CFH: variants seen among roughly 807,000 people sequenced by gnomAD.
The protein encoded by CFH is H factor 1 (complement).
A neutral mutation model predicts 147.3 loss-of-function variants in CFH; 53 were observed. The ratio of observed to expected loss-of-function variants is 0.36; its 90% CI spans 0.29 to 0.45. The LOEUF (loss-of-function observed/expected upper bound fraction) is 0.45, where lower values mean the gene tolerates loss of function less well. Among genes scored for constraint, CFH ranks in the 20% least tolerant of loss-of-function variants. CFH has a pLI of 1.00. For missense variants in CFH, 1,380 were observed against 1,498.0 expected (o/e 0.92, Z 1.30); for synonymous variants, 536 against 489.4 (o/e 1.10, Z -1.26).
At chr1:196,707,344 T>C (rs2149099108) in intron 9 of CFH, among the ~76,000 whole-genome samples, 2 of 152,272 alleles carry the variant, frequency 1.3e-5, no homozygotes, top group East Asian at 1.9e-4. Context: ...GCCAATAACA[T>C]ACACATAAAT....
chr1:196,711,704 C>T lies in CFH; in HGVS notation c.1337-2031C>T, dbSNP rs113148696. Among the ~76,000 whole-genome samples the T allele has an allele frequency of 6.8e-3, 1,039 of 152,036 alleles. 7 individuals are homozygous for T. Among genetic ancestry groups the T allele is most frequent in the African/African-American group, 0.023 (969 of 41,504 alleles). On this transcript the variant is annotated intron_variant, in intron 9 of 21. Transcript: ENST00000367429. ...TGCTTCTGATGTCTCTACTACGTGA[C>T]CTAGATGTTCAAACGAGTCTTTCTA...
intron 9 of CFH, among the ~76,000 whole-genome samples, chr1:196,708,935 A>G (rs943325094): frequency 6.6e-6 from 1 of 152,170 alleles, no homozygotes. Flanking sequence ...CTTATTGGCA[A>G]CCACAGAAAT....
chr1:196,692,927 C>CTTCCTTCTTTCCTT (rs1668117298), intron 9 of CFH, among the ~76,000 whole-genome samples: 1 of 142,348 alleles, frequency 7.0e-6, no homozygotes, highest in Non-Finnish European at 1.5e-5. Flanking sequence ...TCCTTCCTTC[C>CTTCCTTCTTTCCTT]TTCCTTCTTT....
Position 196,728,395 on chromosome 1 carries a change from G to A in CFH, c.2286G>A (p.Glu762=). Residue 762 remains glutamate (E), a synonymous_variant, in exon 15 of 22, where the codon GAG becomes GAA. Transcript: ENST00000367429. ...KCKSSNLIIL[E]EHLKNKKEFD... is the part of the protein sequence containing the mutation. The stretch of plus-strand genomic sequence containing the variant: ...AATCATCAAATTTAATTATACTTGA[G>A]GAACATTTAAAAAACAAGAAGGAAT... 6.3e-7 allele frequency: 1 copy of A among 1,594,556 alleles called. No individual in the cohort carries two copies. The highest frequency in any genetic ancestry group is 8.6e-7 in the Non-Finnish European group (1 of 1,165,654).
intron 9 of CFH, among the ~76,000 whole-genome samples, chr1:196,710,523 A>C (rs1668701345): frequency 6.6e-6 from 1 of 152,080 alleles, no homozygotes; most frequent in African/African-American, 2.4e-5. Context: ...TTTAAGTCTT[A>C]AAATTTGGTA....
chr1:196,677,499 G>A lies in CFH; in HGVS notation c.451G>A (p.Ala151Thr), dbSNP rs1416719586. 1.2e-6 allele frequency: 2 copies of A among 1,612,996 alleles called. No individual in the cohort carries two copies. Among genetic ancestry groups the A allele is most frequent in the African/African-American group, 1.3e-5 (1 of 74,964 alleles). The change falls in exon 5 of 22, where the codon GCA (alanine) becomes ACA (threonine). Residue 151 changes from alanine to threonine, a missense_variant. Physicochemically the swap from Ala to Thr is moderately conservative, Grantham distance 58. Coordinates refer to ENST00000367429, the MANE Select transcript of CFH (RefSeq NM_000186.4). ...CEVVKCLPVTAPENGKIVSSA... is the reference protein window; with the variant it reads ...CEVVKCLPVTTPENGKIVSSA... ...AGTTGTGAAGTGTTTACCAGTGACA[G>A]CACCAGAGAATGGAAAAATTGTCAG...
Position 196,673,143 on chromosome 1 carries a change from A to C in CFH, c.224A>C (p.Asn75Thr). The C allele has an allele frequency of 6.2e-7, 1 of 1,613,522 alleles. No homozygotes were observed. The highest frequency in any genetic ancestry group is 8.5e-7 in the Non-Finnish European group (1 of 1,179,574). The change falls in exon 2 of 22, where the codon AAT (asparagine) becomes ACT (threonine). Residue 75 changes from asparagine to threonine, a missense_variant. By Grantham distance (65) the Asn-to-Thr change is moderately conservative. Coordinates refer to ENST00000367429, the MANE Select transcript of CFH (RefSeq NM_000186.4). Reference protein sequence around the residue: ...VCRKGEWVALNPLRKCQKRPC... With the variant: ...VCRKGEWVALTPLRKCQKRPC... Reference sequence around the variant, plus strand: ...AGGAAGGGAGAATGGGTTGCTCTTAATCCATTAAGGAAATGTCAGAGTAAG... The same window carrying C: ...AGGAAGGGAGAATGGGTTGCTCTTACTCCATTAAGGAAATGTCAGAGTAAG...
intron 9 of CFH, among the ~76,000 whole-genome samples, chr1:196,706,376 C>T (rs1294304694): frequency 6.6e-6 from 1 of 151,858 alleles, no homozygotes; most frequent in African/African-American, 2.4e-5. Flanking sequence ...CTACCATGGA[C>T]ATCAGTGGAT....
chr1:196,701,769 T>C (rs1668462984), intron 9 of CFH, among the ~76,000 whole-genome samples: 1 of 152,146 alleles, frequency 6.6e-6, no homozygotes, highest in South Asian at 2.1e-4. Context: ...GGCTGTCCCT[T>C]AGTTCTCCCA....
rs1669137703 is a variant in CFH at position 196,726,411 on chromosome 1, A to T, written c.1874-59A>T. ...AGAAGAAAATCTTTCCATTTTACTG[A>T]ATTTTTATATTGTAAAACAGACAAT... On this transcript the variant is annotated intron_variant, in intron 12 of 21. Transcript: ENST00000367429. 7 of 1,331,616 alleles carry T rather than the reference A, an allele frequency of 5.3e-6. No homozygotes were observed. The South Asian group carries it at 6.3e-5, about 12-fold the overall frequency. 82.5% of individuals were successfully genotyped at this position (1,331,616 alleles called of 1,614,324 possible). A position where few individuals can be genotyped will look rare whatever the true frequency, so the allele number is the denominator to read the frequency against.
At chr1:196,719,529 A>C (rs1046023027) in intron 11 of CFH, among the ~76,000 whole-genome samples, 1 of 151,924 alleles carries the variant, frequency 6.6e-6, no homozygotes, top group African/African-American at 2.4e-5. Flanking sequence ...AATAGTTTTA[A>C]ATCTAATTTT....
intron 1 of CFH, among the ~76,000 whole-genome samples, chr1:196,661,905 G>GT (rs928611272): frequency 6.6e-5 from 10 of 152,094 alleles, no homozygotes; most frequent in African/African-American, 2.4e-4. Context: ...GTTTTGTTTT[G>GT]TTTTTTAAAT....
In CFH at chr1:196,741,981, T is replaced by C. The variant is rs780458666; in HGVS notation, c.3063T>C (p.Tyr1021=). 4 of 1,614,174 alleles carry C rather than the reference T, an allele frequency of 2.5e-6. No individual in the cohort carries two copies. Among genetic ancestry groups the C allele is most frequent in the South Asian group, 2.2e-5 (2 of 91,080 alleles). ...GEQVTYTCAT[Y]YKMDGASNVT... The stretch of plus-strand genomic sequence containing the variant: ...AAGTGACTTACACTTGTGCAACATA[T>C]TACAAAATGGATGGAGCCAGTAATG... Residue 1021 remains tyrosine (Y), a synonymous_variant, in exon 19 of 22, where the codon TAT becomes TAC. Coordinates refer to ENST00000367429, the MANE Select transcript of CFH (RefSeq NM_000186.4).
chr1:196,666,633 C>T (rs1353225217), intron 1 of CFH, among the ~76,000 whole-genome samples: 20 of 133,042 alleles, frequency 1.5e-4, no homozygotes, highest in African/African-American at 5.9e-4. Context: ...ACCGTTTCTA[C>T]TAAAAATACA....
chr1:196,652,204 A>C (rs1421887611), intron 1 of CFH, 29 bp downstream of exon 1: 1 of 1,531,954 alleles, frequency 6.5e-7, no homozygotes. Flanking sequence ...CTTTTCTGAA[A>C]ACTGTATTAT....
At chr1:196,735,800 T>A (rs929862883) in intron 15 of CFH, among the ~76,000 whole-genome samples, 3 of 152,066 alleles carry the variant, frequency 2.0e-5, no homozygotes, top group African/African-American at 7.2e-5. Context: ...TTTTGATAAA[T>A]ATGAAATACT....
intron 15 of CFH, among the ~76,000 whole-genome samples, chr1:196,733,197 T>C (rs1669320310): frequency 6.6e-6 from 1 of 152,138 alleles, no homozygotes; most frequent in African/African-American, 2.4e-5. Context: ...GGGAAGATTA[T>C]TTTTTGTTTG....
At chr1:196,726,373 A>G in intron 12 of CFH, 97 bp from the exon 13 acceptor site, 1 of 919,068 alleles carries the variant, frequency 1.1e-6, no homozygotes, top group Non-Finnish European at 1.7e-6. Flanking sequence ...ATAATGAAGA[A>G]TACATGAATA....
intron 1 of CFH, 94 bp from the exon 2 acceptor site, chr1:196,672,884 A>G: frequency 1.0e-6 from 1 of 961,712 alleles, no homozygotes; most frequent in Non-Finnish European, 1.6e-6. Context: ...TAGACCTGTG[A>G]CTGTCTAGGC....
Sources: gnomAD v4.1 joint callset for allele counts (sites outside exome capture counted in the v4.1 genomes callset) on GRCh38, gnomAD v4.1.1 for gene constraint, MANE v1.5 for transcripts, NCBI Gene and HGNC (gene_info 2026-07-23, HGNC 2026-07-21) for gene names.